Variants in SYNE2 observed in about 807,000 individuals in gnomAD.
SYNE2 encodes the protein spectrin repeat containing nuclear envelope protein 2.
Under a neutral mutation model 856.3 loss-of-function variants are expected in SYNE2, and 431 were observed. The ratio of observed to expected loss-of-function variants is 0.50; its 90% confidence interval spans 0.47 to 0.55. The LOEUF (loss-of-function observed/expected upper bound fraction) is 0.55. SYNE2 is among the 20% of genes least tolerant of loss of function. The pLI, the probability that SYNE2 is intolerant of heterozygous loss-of-function variation, is 0.00. For synonymous variants in SYNE2, 2,923 were observed against 2,872.3 expected, an observed-to-expected ratio of 1.02 and a Z score of -0.56; for missense variants, 8,129 against 8,023.2, an observed-to-expected ratio of 1.01 and a Z score of -0.50.
intron 100 of SYNE2, among the ~76,000 whole-genome samples, chr14:64,204,910 A>C (rs1352354436): frequency 2.0e-5 from 3 of 152,132 alleles, no homozygotes; most frequent in Non-Finnish European, 4.4e-5. Context: ...AGCTCTGGGG[A>C]GAATCCATTT....
intron 89 of SYNE2, among the ~76,000 whole-genome samples, chr14:64,164,209 A>T (rs1033182613): frequency 4.6e-5 from 7 of 152,012 alleles, no homozygotes; most frequent in African/African-American, 1.5e-4. Context: ...TCCTGGGTTT[A>T]TGCCATTCTC....
At chr14:63,838,975 G>T (rs1889954495) in intron 1 of SYNE2, among the ~76,000 whole-genome samples, 1 of 152,054 alleles carries the variant, frequency 6.6e-6, no homozygotes, top group African/African-American at 2.4e-5. Context: ...TCCAGTAGAG[G>T]CATGTGAAAA....
intron 94 of SYNE2, among the ~76,000 whole-genome samples, chr14:64,173,378 G>A (rs1567544545): frequency 1.3e-5 from 2 of 152,324 alleles, no homozygotes; most frequent in South Asian, 4.1e-4. Context: ...AGAGATGCAC[G>A]TGGAGTGCCT....
At chr14:63,876,608 C>G (rs1316403082) in intron 1 of SYNE2, among the ~76,000 whole-genome samples, 1 of 151,946 alleles carries the variant, frequency 6.6e-6, no homozygotes, top group African/African-American at 2.4e-5. Context: ...CTGCCTCAGG[C>G]TCCCGAGTAG....
chr14:63,868,702 G>A (rs1156487455), intron 1 of SYNE2, among the ~76,000 whole-genome samples: 1 of 151,962 alleles, frequency 6.6e-6, no homozygotes. Flanking sequence ...ATATGGGGAA[G>A]GGCTTTTGCC....
At chr14:64,175,186 A>C (rs1267901585) in intron 95 of SYNE2, 48 bp downstream of exon 95, 2 of 1,600,200 alleles carry the variant, frequency 1.2e-6, no homozygotes, top group Non-Finnish European at 8.6e-7. Flanking sequence ...AATTCAGTAC[A>C]TAGATTTTCA....
At chr14:64,141,052 G>A (rs1420837946) in intron 80 of SYNE2, among the ~76,000 whole-genome samples, 4 of 152,208 alleles carry the variant, frequency 2.6e-5, no homozygotes, top group African/African-American at 9.6e-5. Flanking sequence ...TGTGCACTTT[G>A]TGTTGGGTTC....
intron 16 of SYNE2, 103 bp from the exon 17 acceptor site, chr14:63,982,519 CAAAAAAAA>C: frequency 8.4e-6 from 6 of 714,540 alleles, no homozygotes; most frequent in Admixed American, 4.1e-5. Context: ...GACTCCATCT[CAAAAAAAA>C]AAAAAAAAAA....
intron 1 of SYNE2, among the ~76,000 whole-genome samples, chr14:63,821,044 G>T (rs1889193382): frequency 6.6e-6 from 1 of 151,968 alleles, no homozygotes; most frequent in Non-Finnish European, 1.5e-5. Flanking sequence ...ACCCGGCCAG[G>T]AGAACTTTTG....
Position 64,056,173 on chromosome 14 carries a change from C to G in SYNE2, c.9974C>G (p.Ala3325Gly), listed in dbSNP as rs377173620. 1 of 1,614,084 alleles carries G rather than the reference C, an allele frequency of 6.2e-7. No homozygotes were observed. The highest frequency in any genetic ancestry group is 1.3e-5 in the African/African-American group (1 of 75,022). ...EKLGMISSPE[A>G]KLQLQYTLQE... ...CTGGGAATGATATCCAGCCCCGAAG[C>G]CAAACTACAACTTCAGTATACTTTA... The change falls in exon 49 of 116, where the codon GCC becomes GGC. Residue 3325 changes from alanine (A) to glycine (G), a missense_variant. Physicochemically the swap from Ala to Gly is moderately conservative, Grantham distance 60. Around this residue, in one of 3 missense-constraint regions of SYNE2, gnomAD observed 5,410 missense variants for 5,284.8 expected, o/e 1.02. Transcript: ENST00000555002.
rs775758502 is a variant in SYNE2 at position 63,954,927 on chromosome 14, T to C, written c.787+12T>C. 14 of 1,605,296 alleles carry C rather than the reference T, an allele frequency of 8.7e-6. No individual in the cohort carries two copies. Among genetic ancestry groups the C allele is most frequent in the Middle Eastern group, 1.6e-4 (1 of 6,070 alleles). On this transcript the variant is annotated intron_variant, in intron 8 of 115. Coordinates refer to ENST00000555002, the MANE Select transcript of SYNE2 (RefSeq NM_182914.3). ...GCTGGAACCAGAAGGTAAAGAAGCT[T>C]CTTTGTTTTTAAAACAATCTTTAAG... is the stretch of plus-strand genomic sequence containing the variant.
intron 1 of SYNE2, among the ~76,000 whole-genome samples, chr14:63,842,453 T>C (rs1196140792): frequency 9.1e-6 from 1 of 110,378 alleles, no homozygotes; most frequent in African/African-American, 3.0e-5. Flanking sequence ...TGCCCATTTT[T>C]CTTTTTCTCC....
At position 64,070,921 on chromosome 14, in the gene SYNE2, T is replaced by C. The variant is rs544284540; in HGVS notation, c.10697+11T>C. On this transcript the variant is annotated intron_variant, in intron 52 of 115. Coordinates refer to ENST00000555002, the MANE Select transcript of SYNE2 (RefSeq NM_182914.3). Reference sequence around the variant, plus strand: ...AGAACGATGCAACAAGTAAGATTTATGAAAAACTATTAAGGACGTGTGCTT... The same window carrying C: ...AGAACGATGCAACAAGTAAGATTTACGAAAAACTATTAAGGACGTGTGCTT... The C allele has an allele frequency of 9.7e-5, 156 of 1,614,038 alleles. 1 individual carries two copies. The South Asian group carries it at 1.7e-3, about 17-fold the overall frequency.
At chr14:63,988,637 T>TA (rs1235610550) in intron 19 of SYNE2, among the ~76,000 whole-genome samples, 2 of 152,246 alleles carry the variant, frequency 1.3e-5, no homozygotes, top group African/African-American at 2.4e-5. Context: ...ACCCTGCTGT[T>TA]AAAGATATAC....
chr14:63,916,947 G>A (rs977638914), intron 2 of SYNE2, among the ~76,000 whole-genome samples: 1 of 152,050 alleles, frequency 6.6e-6, no homozygotes, highest in South Asian at 2.1e-4. Context: ...AAAATTAGCT[G>A]GGCATGGCAA....
At chr14:63,978,731 C>A (rs2096563835) in intron 13 of SYNE2, 121 bp from the exon 14 acceptor site, 1 of 752,562 alleles carries the variant, frequency 1.3e-6, no homozygotes, top group Non-Finnish European at 2.2e-6. Context: ...AATGATACAT[C>A]TGAGTTCCAT....
intron 104 of SYNE2, among the ~76,000 whole-genome samples, chr14:64,212,580 T>C (rs8021944): frequency 6.6e-6 from 1 of 152,212 alleles, no homozygotes; most frequent in Admixed American, 6.5e-5. Flanking sequence ...GTCAAACTTT[T>C]AGAATTATTT....
chr14:64,203,101 C>A (rs1415921382), intron 100 of SYNE2, 138 bp downstream of exon 100: 1 of 1,108,560 alleles, frequency 9.0e-7, no homozygotes, highest in Non-Finnish European at 1.3e-6. Context: ...AGAAAACTGA[C>A]CACCTTTCCA....
upstream of SYNE2, among the ~76,000 whole-genome samples, chr14:63,850,076 ATACTTT>A (rs1321735180): frequency 7.9e-6 from 1 of 126,658 alleles, no homozygotes; most frequent in African/African-American, 2.7e-5. Flanking sequence ...ATATGACAAC[ATACTTT>A]TTTTTTTTTT....
Sources: allele counts gnomAD v4.1 joint callset (sites outside exome capture counted in the v4.1 genomes callset), GRCh38; gene constraint gnomAD v4.1.1; regional missense constraint gnomAD v4.1.1; transcripts MANE v1.5; gene names NCBI Gene and HGNC (gene_info 2026-07-23, HGNC 2026-07-21).